TXNL4B: variants seen among roughly 807,000 people sequenced by gnomAD.
The protein encoded by TXNL4B is thioredoxin like 4B, also known as thioredoxin-like protein 4B.
In TXNL4B, 12 loss-of-function variants were observed where a neutral mutation model predicts 13.0. The observed-to-expected ratio is 0.92, with a 90% CI of 0.59 to 1.49. The LOEUF (loss-of-function observed/expected upper bound fraction) is 1.49, where lower values mean the gene tolerates loss of function less well. Ranked by LOEUF, TXNL4B falls within the 40% of genes most tolerant of loss-of-function variation. The pLI, the probability that TXNL4B is intolerant of heterozygous loss-of-function variation, is 0.00. For missense variants in TXNL4B, 214 were observed against 173.6 expected (o/e 1.23, Z -1.31); for synonymous variants, 59 against 58.9 (o/e 1.00, Z -0.01).
chr16:72,090,916 G>A (rs1177349217), intron 1 of TXNL4B, 130 bp from the exon 2 acceptor site: 2 of 740,918 alleles, frequency 2.7e-6, no homozygotes, highest in Non-Finnish European at 4.2e-6. Flanking sequence ...AGGTAACACT[G>A]TGGAGTTTCC....
intron 3 of TXNL4B, among the ~76,000 whole-genome samples, chr16:72,087,800 G>C (rs2041845468): frequency 6.6e-6 from 1 of 152,062 alleles, no homozygotes; most frequent in Non-Finnish European, 1.5e-5. Context: ...GAGTAGTTGG[G>C]ATTACAGGCA....
In TXNL4B at chr16:72,088,978, T is replaced by G. The variant is rs2041862488; in HGVS notation, c.284+9A>C. ...AGGTTGCAATTAACTTCAGATCAAC[T>G]GCACTTACCCATAATCCACTTTCAT... On this transcript the variant is annotated intron_variant, in intron 3 of 3. Transcript: ENST00000268483. The G allele has an allele frequency of 6.3e-7, 1 of 1,587,394 alleles. No homozygotes were observed. The highest frequency in any genetic ancestry group is 8.6e-7 in the Non-Finnish European group (1 of 1,161,244).
Position 72,085,124 on chromosome 16 carries a change from C to A in TXNL4B, c.*1513G>T. On this transcript the variant is annotated 3_prime_UTR_variant, in exon 4 of 4. Transcript: ENST00000268483. ...TTTTGTCTTATTCCTGGAGTGACTC[C>A]CTCCTCTTATCAGCAGGGATACAAG... The A allele has an allele frequency of 2.5e-6, 1 of 397,950 alleles. No homozygotes were observed. Among genetic ancestry groups the A allele is most frequent in the Admixed American group, 4.4e-5 (1 of 22,706 alleles). 24.7% of individuals were successfully genotyped at this position (397,950 alleles called of 1,614,324 possible).
rs1216830904 is a variant in TXNL4B, at chr16:72,088,372, T to G, written c.284+615A>C. ...CAACCACAGTAAGAAATGATCAGAA[T>G]CATGGATGCACCCAATCATCAATAT... On this transcript the variant is annotated intron_variant, in intron 3 of 3. Coordinates refer to ENST00000268483, the MANE Select transcript of TXNL4B (RefSeq NM_017853.3). Among the ~76,000 whole-genome samples the G allele has an allele frequency of 2.6e-5, 4 of 152,192 alleles. No individual in the cohort carries two copies. In the East Asian group the frequency reaches 7.7e-4, roughly 29 times the overall value.
rs1298968202 is a variant in TXNL4B at position 72,090,578 on chromosome 16, G to T, written c.132+40C>A. 3 of 1,605,192 alleles carry T rather than the reference G, an allele frequency of 1.9e-6. No individual in the cohort carries two copies. The South Asian group carries it at 3.3e-5, about 18-fold the overall frequency. ...TCAGATGCTGAAGTGAGAATATACA[G>T]ATTATTAATAAAAACCAATTATTTT... On this transcript the variant is annotated intron_variant, in intron 2 of 3. Coordinates refer to ENST00000268483, the MANE Select transcript of TXNL4B (RefSeq NM_017853.3).
At chr16:72,089,179 C>T (rs1372996896) in intron 2 of TXNL4B, 41 bp from the exon 3 acceptor site, 9 of 1,549,844 alleles carry the variant, frequency 5.8e-6, no homozygotes, top group Non-Finnish European at 7.0e-6. Context: ...ATATGAGAGG[C>T]AGCTTAATGT....
At chr16:72,088,004 A>G (rs1275572756) in intron 3 of TXNL4B, among the ~76,000 whole-genome samples, 1 of 152,198 alleles carries the variant, frequency 6.6e-6, no homozygotes, top group Non-Finnish European at 1.5e-5. Flanking sequence ...TATTTTTAGT[A>G]GAGACAGGGT....
Position 72,088,971 on chromosome 16 carries a change from G to A in TXNL4B, c.284+16C>T, listed in dbSNP as rs764474407. The A allele has an allele frequency of 6.3e-7, 1 of 1,575,788 alleles. No individual in the cohort carries two copies. The highest frequency in any genetic ancestry group is 1.3e-5 in the African/African-American group (1 of 74,222). On this transcript the variant is annotated intron_variant, in intron 3 of 3. Transcript: ENST00000268483. Reference sequence around the variant, plus strand: ...ACTTACAAGGTTGCAATTAACTTCAGATCAACTGCACTTACCCATAATCCA... The same window carrying A: ...ACTTACAAGGTTGCAATTAACTTCAAATCAACTGCACTTACCCATAATCCA...
chr16:72,092,345 G>A (rs991294513), intron 1 of TXNL4B, among the ~76,000 whole-genome samples: 1 of 152,070 alleles, frequency 6.6e-6, no homozygotes, highest in African/African-American at 2.4e-5. Context: ...CCCTGGAGGC[G>A]GAGGTTGCAG....
chr16:72,089,535 G>A (rs2144103821), intron 2 of TXNL4B, among the ~76,000 whole-genome samples: 1 of 152,278 alleles, frequency 6.6e-6, no homozygotes, highest in African/African-American at 2.4e-5. Flanking sequence ...CGTGTTAAGA[G>A]CTGAGCATAC....
rs2041811343 is a variant in TXNL4B at position 72,085,621 on chromosome 16, AAG to A, written c.*1014_*1015del. The A allele has an allele frequency of 6.6e-6, 1 of 152,164 alleles. No homozygotes were observed. Among genetic ancestry groups the A allele is most frequent in the Non-Finnish European group, 1.5e-5 (1 of 68,026 alleles). The allele number at this position is 152,164 out of a possible 1,614,324, so 9.4% of individuals were successfully genotyped here. A position where few individuals can be genotyped will look rare whatever the true frequency, so the allele number is the denominator to read the frequency against. On this transcript the variant is annotated 3_prime_UTR_variant, in exon 4 of 4. Transcript: ENST00000268483. The stretch of plus-strand genomic sequence containing the variant: ...CTTCTGGGAAAAATCTGCTCCTGCT[AAG>A]GTGGCTCATTCATTGTTTTACCTGA...
In TXNL4B at chr16:72,093,473, C is replaced by T. The variant is rs948028686; in HGVS notation, c.-144G>A. The T allele has an allele frequency of 6.6e-6, 1 of 152,298 alleles. No individual in the cohort carries two copies. The highest frequency in any genetic ancestry group is 2.4e-5 in the African/African-American group (1 of 41,464). 9.4% of individuals were successfully genotyped at this position (152,298 alleles called of 1,614,324 possible). ...CTCCTTTCATCAGCCCCAAGCCGGA[C>T]AGGACCCTAAGACCAAGTCACCCAG... On this transcript the variant is annotated 5_prime_UTR_variant, in exon 1 of 4. Coordinates refer to ENST00000268483, the MANE Select transcript of TXNL4B (RefSeq NM_017853.3).
At position 72,084,883 on chromosome 16, in the gene TXNL4B, C is replaced by G; in HGVS notation, c.*1754G>C. 2.5e-6 allele frequency: 1 copy of G among 398,612 alleles called. No individual in the cohort carries two copies. Among genetic ancestry groups the G allele is most frequent in the Non-Finnish European group, 4.4e-6 (1 of 226,076 alleles). The allele number at this position is 398,612 out of a possible 1,614,324, so 24.7% of individuals were successfully genotyped here. A position where few individuals can be genotyped will look rare whatever the true frequency, so the allele number is the denominator to read the frequency against. On this transcript the variant is annotated 3_prime_UTR_variant, in exon 4 of 4. Coordinates refer to ENST00000268483, the MANE Select transcript of TXNL4B (RefSeq NM_017853.3). ...TAGGCAAAAAGAAATTTTATTCTTT[C>G]ACAGAAGTCTGAGGCAGGCAGGTCC...
chr16:72,090,765 A>T lies in TXNL4B; in HGVS notation c.-16T>A. 6.2e-7 allele frequency: 1 copy of T among 1,613,804 alleles called. No individual in the cohort carries two copies. The highest frequency in any genetic ancestry group is 8.5e-7 in the Non-Finnish European group (1 of 1,179,908). On this transcript the variant is annotated 5_prime_UTR_variant, in exon 2 of 4. Transcript: ENST00000268483. ...GGAAGCTCATCTTGAAATAACCCAA[A>T]TGTGAATCCTCACTGTCACTCCTGA...
intron 1 of TXNL4B, among the ~76,000 whole-genome samples, chr16:72,091,439 T>C (rs1771990707): frequency 1.3e-5 from 2 of 152,198 alleles, no homozygotes; most frequent in African/African-American, 4.8e-5. Flanking sequence ...CAGGGGCCTG[T>C]TGAGGCAGGC....
In TXNL4B at chr16:72,085,966, G is replaced by T. The variant is rs1489404590; in HGVS notation, c.*671C>A. The T allele has an allele frequency of 1.3e-5, 2 of 150,088 alleles. No individual in the cohort carries two copies. The highest frequency in any genetic ancestry group is 4.9e-5 in the African/African-American group (2 of 40,684). The allele number at this position is 150,088 out of a possible 1,614,324, so 9.3% of individuals were successfully genotyped here. A position where few individuals can be genotyped will look rare whatever the true frequency, so the allele number is the denominator to read the frequency against. ...TGCAGTGAGCCGAGATCGCGCCACTGCACTCCAGCCTGGGTGACAAGAGTG... is the reference window on the plus strand; with the variant it reads ...TGCAGTGAGCCGAGATCGCGCCACTTCACTCCAGCCTGGGTGACAAGAGTG... On this transcript the variant is annotated 3_prime_UTR_variant, in exon 4 of 4. Coordinates refer to ENST00000268483, the MANE Select transcript of TXNL4B (RefSeq NM_017853.3).
intron 1 of TXNL4B, among the ~76,000 whole-genome samples, chr16:72,091,625 T>C (rs564021355): frequency 5.3e-5 from 8 of 152,380 alleles, no homozygotes; most frequent in East Asian, 1.9e-4. Flanking sequence ...TTCTCTGTCA[T>C]GGCAGCATAT....
chr16:72,086,643 G>T lies in TXNL4B; in HGVS notation c.444C>A (p.Asp148Glu). ...TTTGACAGCAATTAATGTACTAAAT[G>T]TCTTGATAGAGAAGGTCATATTTGG... ...NIPKYDLLYQ[D>E]I is the part of the protein sequence containing the mutation. The change falls in exon 4 of 4, where the codon GAC becomes GAA. Residue 148 changes from aspartate (D) to glutamate (E), a missense_variant. Transcript: ENST00000268483. 6.2e-7 allele frequency: 1 copy of T among 1,612,354 alleles called. No individual in the cohort carries two copies. The highest frequency in any genetic ancestry group is 8.5e-7 in the Non-Finnish European group (1 of 1,178,574).
chr16:72,093,042 C>A (rs1240185665), intron 1 of TXNL4B, among the ~76,000 whole-genome samples: 2 of 152,104 alleles, frequency 1.3e-5, no homozygotes, highest in Non-Finnish European at 2.9e-5. Context: ...CGCTATGTTG[C>A]CCAGGCTGGT....
Sources: allele counts gnomAD v4.1 joint callset (sites outside exome capture counted in the v4.1 genomes callset), GRCh38; gene constraint gnomAD v4.1.1; transcripts MANE v1.5; gene names NCBI Gene and HGNC (gene_info 2026-07-23, HGNC 2026-07-21).